MACROD2: variants seen among roughly 807,000 people sequenced by gnomAD.
MACROD2 encodes the protein ADP-ribose glycohydrolase MACROD2.
Under a neutral mutation model 70.4 loss-of-function variants are expected in MACROD2, and 36 were observed. That is an observed-to-expected ratio of 0.51 (90% CI 0.39 to 0.68). The LOEUF (loss-of-function observed/expected upper bound fraction) is 0.68. MACROD2 is among the 30% of genes least tolerant of loss of function. The pLI, the probability that MACROD2 is intolerant of heterozygous loss-of-function variation, is 0.00. For synonymous variants in MACROD2, 172 were observed against 178.8 expected, an observed-to-expected ratio of 0.96 and a Z score of 0.30; for missense variants, 496 against 538.4, an observed-to-expected ratio of 0.92 and a Z score of 0.78.
intron 3 of MACROD2, among the ~76,000 whole-genome samples, chr20:14,271,373 C>G (rs2082194183): frequency 6.6e-6 from 1 of 152,210 alleles, no homozygotes; most frequent in African/African-American, 2.4e-5. Flanking sequence ...TGCTGATACC[C>G]AGACAAACAG....
rs572493726 is a variant in MACROD2, at chr20:14,549,932, C to CT, written c.301+56438dup. ...ATAACCATTTTCATATGAATTACACCTTTTTTTTTTTTTTAAGATGGAGTC... is the reference window on the plus strand; with the variant it reads ...ATAACCATTTTCATATGAATTACACCTTTTTTTTTTTTTTTAAGATGGAGTC... On this transcript the variant is annotated intron_variant, in intron 4 of 17. Transcript: ENST00000684519. Among the ~76,000 whole-genome samples, 619 of 143,478 alleles carry CT rather than the reference C, an allele frequency of 4.3e-3. 3 individuals carry two copies. Among genetic ancestry groups the CT allele is most frequent in the African/African-American group, 9.0e-3 (353 of 39,262 alleles). 94.1% of individuals were successfully genotyped at this position (143,478 alleles called of 152,430 possible). A position where few individuals can be genotyped will look rare whatever the true frequency, so the allele number is the denominator to read the frequency against.
rs562591279 is a variant in MACROD2 at position 15,445,854 on chromosome 20, A to G, written c.571+14419A>G. Among the ~76,000 whole-genome samples the G allele has an allele frequency of 9.2e-5, 14 of 152,210 alleles. 1 individual carries two copies. Among genetic ancestry groups the G allele is most frequent in the Admixed American group, 8.5e-4 (13 of 15,290 alleles). On this transcript the variant is annotated intron_variant, in intron 7 of 17. Coordinates refer to ENST00000684519, the MANE Select transcript of MACROD2 (RefSeq NM_001351661.2). ...CTAGTTCATATCAGAACCAAGACCA[A>G]TGTGTTGTCCAGCCAATAGGGTGAA...
At chr20:15,878,428 C>G (rs1243301324) in intron 9 of MACROD2, among the ~76,000 whole-genome samples, 1 of 152,114 alleles carries the variant, frequency 6.6e-6, no homozygotes, top group Non-Finnish European at 1.5e-5. Flanking sequence ...TGCAATAGAT[C>G]TTGAGTGGGA....
At chr20:14,973,865 A>C (rs531305204) in intron 5 of MACROD2, among the ~76,000 whole-genome samples, 1 of 152,318 alleles carries the variant, frequency 6.6e-6, no homozygotes, top group East Asian at 1.9e-4. Context: ...TTAAAATAGA[A>C]TAGAAAGTGT....
intron 6 of MACROD2, among the ~76,000 whole-genome samples, chr20:15,321,464 T>A (rs1298032534): frequency 6.9e-6 from 1 of 144,292 alleles, no homozygotes; most frequent in Non-Finnish European, 1.6e-5. Context: ...CTTAAACACA[T>A]TAATTTATGC....
chr20:15,723,634 T>C (rs1360755497), intron 8 of MACROD2, among the ~76,000 whole-genome samples: 2 of 152,222 alleles, frequency 1.3e-5, no homozygotes, highest in Admixed American at 1.3e-4. Context: ...TTTCCTTTTA[T>C]AGCTGGATAA....
chr20:15,968,087 T>C (rs923298054), intron 13 of MACROD2, among the ~76,000 whole-genome samples: 1 of 152,302 alleles, frequency 6.6e-6, no homozygotes, highest in East Asian at 1.9e-4. Flanking sequence ...AAACCAGTTC[T>C]TCCACCCAAA....
At chr20:14,806,161 C>T (rs1600681690) in intron 5 of MACROD2, among the ~76,000 whole-genome samples, 1 of 152,020 alleles carries the variant, frequency 6.6e-6, no homozygotes, top group South Asian at 2.1e-4. Context: ...GACAGTGACT[C>T]GAAGAGGGCC....
chr20:15,263,861 CT>C (rs2077270118), intron 6 of MACROD2, among the ~76,000 whole-genome samples: 1 of 152,038 alleles, frequency 6.6e-6, no homozygotes, highest in Non-Finnish European at 1.5e-5. Flanking sequence ...AGAAATGCTA[CT>C]GATTTTGTGT....
intron 5 of MACROD2, among the ~76,000 whole-genome samples, chr20:14,874,322 ATTGAGGTGCTGTCCTTT>A: frequency 6.8e-6 from 1 of 146,130 alleles, no homozygotes; most frequent in African/African-American, 2.5e-5. Context: ...TTATTTATTT[ATTGAGGTGCTGTCCTTT>A]TTTAAGAGTG....
chr20:15,277,818 G>A (rs750817807), intron 6 of MACROD2, among the ~76,000 whole-genome samples: 5 of 152,158 alleles, frequency 3.3e-5, no homozygotes, highest in Admixed American at 1.3e-4. Context: ...AAGGGAGAGA[G>A]GGAGGAGAAA....
chr20:14,797,055 C>T (rs6034043), intron 5 of MACROD2, among the ~76,000 whole-genome samples: 10,656 of 151,944 alleles, frequency 0.07, 493 homozygotes, highest in African/African-American at 0.11. Context: ...CCAAAAATCT[C>T]GATTTTATAC....
intron 8 of MACROD2, among the ~76,000 whole-genome samples, chr20:15,828,649 T>G (rs2064023095): frequency 6.6e-6 from 1 of 152,202 alleles, no homozygotes; most frequent in Non-Finnish European, 1.5e-5. Flanking sequence ...AATGCACCCA[T>G]GAGTAGATTG....
At chr20:15,274,220 T>C (rs1222400387) in intron 6 of MACROD2, among the ~76,000 whole-genome samples, 1 of 152,204 alleles carries the variant, frequency 6.6e-6, no homozygotes, top group African/African-American at 2.4e-5. Flanking sequence ...CAGGATCTAT[T>C]TGTAATAGGA....
intron 3 of MACROD2, among the ~76,000 whole-genome samples, chr20:14,357,606 A>T (rs536957555): frequency 6.6e-6 from 1 of 152,378 alleles, no homozygotes; most frequent in African/African-American, 2.4e-5. Context: ...TGTTAAATGT[A>T]GTGGTTCCTC....
At chr20:14,650,428 C>T (rs1034518666) in intron 4 of MACROD2, among the ~76,000 whole-genome samples, 6 of 152,308 alleles carry the variant, frequency 3.9e-5, no homozygotes, top group Admixed American at 3.9e-4. Flanking sequence ...ATCTCCTCAC[C>T]CCTACTTCCC....
chr20:15,151,753 C>A (rs1300757866), intron 5 of MACROD2, among the ~76,000 whole-genome samples: 1 of 151,918 alleles, frequency 6.6e-6, no homozygotes, highest in African/African-American at 2.4e-5. Context: ...CTCTAGCCAC[C>A]TTTTTAAGAG....
In MACROD2 at chr20:15,294,237, G is replaced by A. The variant is rs190499492; in HGVS notation, c.540+64176G>A. Among the ~76,000 whole-genome samples the A allele has an allele frequency of 3.9e-5, 6 of 152,082 alleles. 1 individual carries two copies. Among genetic ancestry groups the A allele is most frequent in the South Asian group, 4.2e-4 (2 of 4,804 alleles). On this transcript the variant is annotated intron_variant, in intron 6 of 17. Coordinates refer to ENST00000684519, the MANE Select transcript of MACROD2 (RefSeq NM_001351661.2). Reference sequence around the variant, plus strand: ...CCTGCATTTCCACTAATCAAGCATCGGATGATAAAGCTGATGGGATGGGAC... The same window carrying A: ...CCTGCATTTCCACTAATCAAGCATCAGATGATAAAGCTGATGGGATGGGAC...
At chr20:15,066,647 A>T (rs2075577790) in intron 5 of MACROD2, among the ~76,000 whole-genome samples, 1 of 151,984 alleles carries the variant, frequency 6.6e-6, no homozygotes, top group Non-Finnish European at 1.5e-5. Flanking sequence ...TGGGAGGCCG[A>T]GGCGGGTAGA....
Sources: allele counts gnomAD v4.1 joint callset (sites outside exome capture counted in the v4.1 genomes callset), GRCh38; gene constraint gnomAD v4.1.1; transcripts MANE v1.5; gene names NCBI Gene and HGNC (gene_info 2026-07-23, HGNC 2026-07-21).